Variants in GLCCI1 observed in about 807,000 individuals in gnomAD.
The protein encoded by GLCCI1 is glucocorticoid induced 1, also known as glucocorticoid-induced transcript 1 protein.
A neutral mutation model predicts 52.2 loss-of-function variants in GLCCI1; 24 were observed. The observed-to-expected ratio is 0.46, with a 90% confidence interval of 0.33 to 0.65. GLCCI1 has a LOEUF of 0.65. Among genes scored for constraint, GLCCI1 ranks in the 30% least tolerant of loss-of-function variants. The pLI is 0.02. For missense variants in GLCCI1, 704 were observed against 701.5 expected, an observed-to-expected ratio of 1.00 and a Z score of -0.04; for synonymous variants, 310 against 276.5, an observed-to-expected ratio of 1.12 and a Z score of -1.20.
intron 3 of GLCCI1, among the ~76,000 whole-genome samples, chr7:8,050,972 C>A (rs1782246086): frequency 6.6e-6 from 1 of 152,134 alleles, no homozygotes; most frequent in South Asian, 2.1e-4. Flanking sequence ...AATGCTAGTA[C>A]TCAGTAAATA....
At chr7:7,979,290 T>G (rs1447752610) in intron 1 of GLCCI1, among the ~76,000 whole-genome samples, 1 of 152,194 alleles carries the variant, frequency 6.6e-6, no homozygotes, top group African/African-American at 2.4e-5. Context: ...AAAAACGCAT[T>G]CAGGGAATTG....
At chr7:8,017,791 C>G (rs1781408922) in intron 2 of GLCCI1, among the ~76,000 whole-genome samples, 1 of 152,154 alleles carries the variant, frequency 6.6e-6, no homozygotes, top group Admixed American at 6.5e-5. Context: ...CTTTGCTAAT[C>G]AGAGCAGCTA....
intron 1 of GLCCI1, among the ~76,000 whole-genome samples, chr7:7,993,575 A>G (rs910262209): frequency 6.6e-6 from 1 of 152,138 alleles, no homozygotes; most frequent in African/African-American, 2.4e-5. Flanking sequence ...GGCCCTTTAC[A>G]TTTACCCATT....
chr7:7,993,009 A>G (rs1324385270), intron 1 of GLCCI1, among the ~76,000 whole-genome samples: 2 of 152,146 alleles, frequency 1.3e-5, no homozygotes, highest in Non-Finnish European at 2.9e-5. Context: ...CATTTAAAAA[A>G]GGATTTTTAG....
intron 1 of GLCCI1, among the ~76,000 whole-genome samples, chr7:7,993,169 C>A (rs71533384): frequency 1.3e-5 from 2 of 151,908 alleles, no homozygotes; most frequent in Admixed American, 6.6e-5. Context: ...TTCTGTTGTT[C>A]ATTTTTTTTA....
intron 1 of GLCCI1, among the ~76,000 whole-genome samples, chr7:8,001,312 G>A (rs1030426844): frequency 6.6e-6 from 1 of 152,112 alleles, no homozygotes; most frequent in Non-Finnish European, 1.5e-5. Context: ...TAGTTTGGCT[G>A]GATATGAAAT....
At chr7:8,007,456 T>C (rs968041224) in intron 2 of GLCCI1, among the ~76,000 whole-genome samples, 1 of 152,196 alleles carries the variant, frequency 6.6e-6, no homozygotes, top group Non-Finnish European at 1.5e-5. Context: ...TCTATTGCCT[T>C]TTATGGCAAC....
At chr7:7,972,161 G>T (rs1416469530) in intron 1 of GLCCI1, among the ~76,000 whole-genome samples, 5 of 152,118 alleles carry the variant, frequency 3.3e-5, no homozygotes, top group African/African-American at 1.2e-4. Context: ...ATGCTGTAAG[G>T]TTCTGACTTG....
At chr7:7,975,335 A>T (rs1295925312) in intron 1 of GLCCI1, among the ~76,000 whole-genome samples, 1 of 152,226 alleles carries the variant, frequency 6.6e-6, no homozygotes, top group Non-Finnish European at 1.5e-5. Flanking sequence ...ACTAAGGCAC[A>T]TACCAAGTTC....
intron 3 of GLCCI1, among the ~76,000 whole-genome samples, chr7:8,034,651 A>C (rs563911561): frequency 1.3e-5 from 2 of 152,354 alleles, no homozygotes; most frequent in East Asian, 3.9e-4. Context: ...GAATAATCAT[A>C]ACTTGAATAG....
At chr7:8,082,321 G>GA (rs937223694) in intron 6 of GLCCI1, among the ~76,000 whole-genome samples, 5 of 152,186 alleles carry the variant, frequency 3.3e-5, no homozygotes, top group African/African-American at 9.6e-5. Flanking sequence ...AACTATTAAA[G>GA]AAAAATCACA....
At chr7:7,988,453 A>G (rs140109143) in intron 1 of GLCCI1, among the ~76,000 whole-genome samples, 7 of 152,298 alleles carry the variant, frequency 4.6e-5, no homozygotes, top group African/African-American at 1.4e-4. Context: ...CACTCCTCTA[A>G]AAGCCTATTC....
chr7:8,059,096 A>G (rs1454584077), intron 4 of GLCCI1, among the ~76,000 whole-genome samples: 1 of 152,206 alleles, frequency 6.6e-6, no homozygotes, highest in Non-Finnish European at 1.5e-5. Flanking sequence ...TTGCTGTCTC[A>G]GGGTGGCAGA....
At chr7:8,009,171 G>A (rs1583967954) in intron 2 of GLCCI1, among the ~76,000 whole-genome samples, 1 of 152,098 alleles carries the variant, frequency 6.6e-6, no homozygotes, top group South Asian at 2.1e-4. Flanking sequence ...ATCCATTTGT[G>A]AAATTTAATA....
intron 3 of GLCCI1, among the ~76,000 whole-genome samples, chr7:8,025,573 G>A (rs902049793): frequency 7.2e-5 from 11 of 152,224 alleles, no homozygotes; most frequent in African/African-American, 2.6e-4. Context: ...AAGCCTCATA[G>A]GAGAAAAGAG....
In GLCCI1 at chr7:7,974,055, T is replaced by C. The variant is rs117877158; in HGVS notation, c.457+4248T>C. 8.2e-3 allele frequency among the ~76,000 whole-genome samples: 1,252 copies of C among 152,250 alleles called. 8 individuals are homozygous for C. The highest frequency in any genetic ancestry group is 0.012 in the Non-Finnish European group (818 of 67,948). On this transcript the variant is annotated intron_variant, in intron 1 of 7. Coordinates refer to ENST00000223145, the MANE Select transcript of GLCCI1 (RefSeq NM_138426.4). Reference sequence around the variant, plus strand: ...CTTATAGATACTTGTTTCAAAGCTTTCTTCTACATTAATGTTTTAGCTTTT... The same window carrying C: ...CTTATAGATACTTGTTTCAAAGCTTCCTTCTACATTAATGTTTTAGCTTTT...
intron 1 of GLCCI1, among the ~76,000 whole-genome samples, chr7:8,000,631 G>A (rs1289812252): frequency 6.6e-6 from 1 of 151,944 alleles, no homozygotes; most frequent in Non-Finnish European, 1.5e-5. Context: ...AATCTTTTAG[G>A]ATGGGCATAC....
At chr7:7,974,855 C>T (rs1404367860) in intron 1 of GLCCI1, among the ~76,000 whole-genome samples, 1 of 152,178 alleles carries the variant, frequency 6.6e-6, no homozygotes, top group African/African-American at 2.4e-5. Context: ...CTGTCCTAGT[C>T]TGTGTCTGGC....
intron 1 of GLCCI1, chr7:7,982,056 A>G: frequency 2.1e-6 from 1 of 469,956 alleles, no homozygotes; most frequent in South Asian, 1.7e-5. Context: ...AAGAGTAAAA[A>G]GAGAGACCGA....
Sources: gnomAD v4.1 joint callset for allele counts (sites outside exome capture counted in the v4.1 genomes callset) on GRCh38, gnomAD v4.1.1 for gene constraint, MANE v1.5 for transcripts, NCBI Gene and HGNC (gene_info 2026-07-23, HGNC 2026-07-21) for gene names.